The following STX17 variants were observed in gnomAD, a reference collection of about 807,000 sequenced individuals.
STX17 encodes the protein syntaxin 17.
Under a neutral mutation model 35.9 loss-of-function variants are expected in STX17, and 29 were observed. The observed-to-expected ratio is 0.81, with a 90% CI of 0.60 to 1.10. The LOEUF (loss-of-function observed/expected upper bound fraction) is 1.10. Ranked by LOEUF, STX17 falls within the 50% of genes least tolerant of loss-of-function variation. The pLI is 0.00. For missense variants in STX17, 312 were observed against 352.3 expected (o/e 0.89, Z 0.92); for synonymous variants, 92 against 118.3 (o/e 0.78, Z 1.44).
intron 3 of STX17, among the ~76,000 whole-genome samples, chr9:99,940,223 CG>C (rs898027149): frequency 5.3e-5 from 8 of 152,058 alleles, no homozygotes; most frequent in Non-Finnish European, 7.4e-5. Flanking sequence ...CACCACCTCC[CG>C]GGTTCAAGTG....
At chr9:99,908,980 T>G (rs527282499) in intron 1 of STX17, among the ~76,000 whole-genome samples, 11 of 152,364 alleles carry the variant, frequency 7.2e-5, no homozygotes, top group African/African-American at 2.6e-4. Flanking sequence ...TGTCCCTTAT[T>G]TTTAACTTTT....
intron 4 of STX17, 30 bp from the exon 5 acceptor site, chr9:99,959,887 T>G: frequency 6.6e-7 from 1 of 1,506,278 alleles, no homozygotes; most frequent in Non-Finnish European, 9.1e-7. Context: ...GCAAATAAAC[T>G]CTAAACATGG....
Position 99,911,034 on chromosome 9 carries a change from CT to C in STX17, c.-62-4130del, listed in dbSNP as rs77698220. On this transcript the variant is annotated intron_variant, in intron 1 of 7. Coordinates refer to ENST00000259400, the MANE Select transcript of STX17 (RefSeq NM_017919.3). ...TTGTTGTAAATGACAGGATTTCATT[CT>C]TTTTTTTTTTTTTCTCCCTAGACGG... is the stretch of plus-strand genomic sequence containing the variant. Among the ~76,000 whole-genome samples the C allele has an allele frequency of 7.4e-3, 1,059 of 143,616 alleles. 8 individuals are homozygous for C. Among genetic ancestry groups the C allele is most frequent in the African/African-American group, 0.021 (813 of 39,532 alleles). 94.2% of individuals were successfully genotyped at this position (143,616 alleles called of 152,430 possible).
chr9:99,930,288 G>A (rs904230285), intron 3 of STX17, among the ~76,000 whole-genome samples: 7 of 145,810 alleles, frequency 4.8e-5, no homozygotes, highest in African/African-American at 1.5e-4. Flanking sequence ...ATTTTTTTGA[G>A]ACAGAGTCGC....
intron 1 of STX17, among the ~76,000 whole-genome samples, chr9:99,911,085 G>T (rs1404371894): frequency 2.0e-5 from 3 of 151,780 alleles, no homozygotes; most frequent in African/African-American, 7.3e-5. Flanking sequence ...GCCCAAGCTG[G>T]AGTGCAGTGG....
In STX17 at chr9:99,959,961, A is replaced by T; in HGVS notation, c.460A>T (p.Thr154Ser). The change falls in exon 5 of 8, where the codon ACT becomes TCT. Residue 154 changes from threonine to serine, a missense_variant. Physicochemically the swap from Thr to Ser is moderately conservative, Grantham distance 58. Coordinates refer to ENST00000259400, the MANE Select transcript of STX17 (RefSeq NM_017919.3). ...AGCTGAAGCTAGTTCTCAGAGTTTG[A>T]CTCAGATATATGCCTTACCTGAAAT... The part of the protein sequence containing the change: ...TEAEASSQSL[T>S]QIYALPEIPQ... 6.2e-7 allele frequency: 1 copy of T among 1,613,912 alleles called. No individual in the cohort carries two copies. Among genetic ancestry groups the T allele is most frequent in the Non-Finnish European group, 8.5e-7 (1 of 1,179,962 alleles).
chr9:99,950,079 A>G (rs1829563262), intron 3 of STX17, among the ~76,000 whole-genome samples: 1 of 151,986 alleles, frequency 6.6e-6, no homozygotes, highest in Admixed American at 6.6e-5. Flanking sequence ...AGATGACTCT[A>G]CACTACAAAA....
intron 1 of STX17, among the ~76,000 whole-genome samples, chr9:99,914,881 G>A (rs1398720583): frequency 6.6e-6 from 1 of 152,050 alleles, no homozygotes; most frequent in African/African-American, 2.4e-5. Context: ...CTGGAGAGAC[G>A]TATGCCAAAA....
chr9:99,931,789 C>T (rs2416940), intron 3 of STX17, among the ~76,000 whole-genome samples: 104,797 of 152,124 alleles, frequency 0.69, 36,375 homozygotes, highest in African/African-American at 0.72. Context: ...TTACCTTTTT[C>T]CTTTGAATTC....
chr9:99,941,520 C>A (rs1171678656), intron 3 of STX17, among the ~76,000 whole-genome samples: 1 of 152,072 alleles, frequency 6.6e-6, no homozygotes. Flanking sequence ...TAAATATACA[C>A]CTAAATAAAT....
rs1460227266 is a variant in STX17 at position 99,974,306 on chromosome 9, G to A, written c.*5633G>A. On this transcript the variant is annotated 3_prime_UTR_variant, in exon 8 of 8. Coordinates refer to ENST00000259400, the MANE Select transcript of STX17 (RefSeq NM_017919.3). ...GTAGTTGAGATTTTCTTGTATTAAG[G>A]TTAATCACTAAAAAGGTGTTTACTT... Among the ~76,000 whole-genome samples, 1 of 152,092 alleles carries A rather than the reference G, an allele frequency of 6.6e-6. No homozygotes were observed. The highest frequency in any genetic ancestry group is 2.4e-5 in the African/African-American group (1 of 41,402).
intron 3 of STX17, among the ~76,000 whole-genome samples, chr9:99,931,030 G>A (rs2118383061): frequency 6.6e-6 from 1 of 152,296 alleles, no homozygotes; most frequent in South Asian, 2.1e-4. Context: ...AGGCTGGAGT[G>A]CAGTGAGTGA....
At chr9:99,934,791 A>G (rs1158154452) in intron 3 of STX17, among the ~76,000 whole-genome samples, 1 of 152,228 alleles carries the variant, frequency 6.6e-6, no homozygotes, top group African/African-American at 2.4e-5. Context: ...ATATTTTAAA[A>G]ATGCAAATAT....
chr9:99,964,366 T>G (rs556856565), intron 6 of STX17, among the ~76,000 whole-genome samples: 1 of 152,282 alleles, frequency 6.6e-6, no homozygotes, highest in Non-Finnish European at 1.5e-5. Context: ...TCAATGTTCT[T>G]TAAAATGAAA....
At chr9:99,945,431 G>A (rs2118456403) in intron 3 of STX17, among the ~76,000 whole-genome samples, 1 of 152,200 alleles carries the variant, frequency 6.6e-6, no homozygotes, top group East Asian at 1.9e-4. Flanking sequence ...TGGAGAGGAG[G>A]TGTTAGGGTT....
intron 3 of STX17, among the ~76,000 whole-genome samples, chr9:99,940,619 C>T (rs1829335846): frequency 6.6e-6 from 1 of 151,864 alleles, no homozygotes; most frequent in South Asian, 2.1e-4. Context: ...GCTAGGATTA[C>T]AGGCGCACAC....
intron 2 of STX17, among the ~76,000 whole-genome samples, chr9:99,915,694 G>A (rs1828755055): frequency 6.6e-6 from 1 of 152,060 alleles, no homozygotes; most frequent in African/African-American, 2.4e-5. Flanking sequence ...CTGGGCTCAA[G>A]CTATCTACAC....
intron 3 of STX17, among the ~76,000 whole-genome samples, chr9:99,933,353 T>C (rs1829164076): frequency 6.6e-6 from 1 of 152,154 alleles, no homozygotes; most frequent in Non-Finnish European, 1.5e-5. Flanking sequence ...TGATATCTGA[T>C]TGTACAATAC....
At chr9:99,917,133 A>T (rs1828792995) in intron 2 of STX17, among the ~76,000 whole-genome samples, 1 of 152,182 alleles carries the variant, frequency 6.6e-6, no homozygotes, top group Non-Finnish European at 1.5e-5. Context: ...GAATTTTTAG[A>T]CAGTATCAGA....
Sources: gnomAD v4.1 joint callset for allele counts (sites outside exome capture counted in the v4.1 genomes callset) on GRCh38, gnomAD v4.1.1 for gene constraint, MANE v1.5 for transcripts, NCBI Gene and HGNC (gene_info 2026-07-23, HGNC 2026-07-21) for gene names.